Variants in TRUB1 observed in about 807,000 individuals in gnomAD.
TRUB1 encodes the protein pseudouridylate synthase TRUB1.
In TRUB1, 23 loss-of-function variants were observed where a neutral mutation model predicts 33.9. That is an observed-to-expected ratio of 0.68 (90% CI 0.49 to 0.96). TRUB1 has a LOEUF of 0.96. Among genes scored for constraint, TRUB1 ranks in the 40% least tolerant of loss-of-function variants. The probability of loss-of-function intolerance (pLI) is 0.00; values close to 1 mark genes in which losing one functional copy is unlikely to be tolerated. For missense variants in TRUB1, 378 were observed against 422.2 expected (o/e 0.90, Z 0.92); for synonymous variants, 163 against 165.4 (o/e 0.99, Z 0.11).
chr10:114,944,453 G>C (rs1338101918), intron 2 of TRUB1, among the ~76,000 whole-genome samples: 1 of 152,122 alleles, frequency 6.6e-6, no homozygotes, highest in Non-Finnish European at 1.5e-5. Context: ...GAAAAAATCA[G>C]TTCGAGACCA....
intron 1 of TRUB1, among the ~76,000 whole-genome samples, chr10:114,941,934 G>A (rs540595913): frequency 1.2e-4 from 18 of 152,122 alleles, no homozygotes; most frequent in South Asian, 2.1e-4. Context: ...ACAGGCACCC[G>A]CCACCACGTC....
At chr10:114,941,819 C>G (rs968191632) in intron 1 of TRUB1, among the ~76,000 whole-genome samples, 16 of 151,908 alleles carry the variant, frequency 1.1e-4, no homozygotes, top group Non-Finnish European at 2.1e-4. Context: ...GAGTCTTGCT[C>G]TGTCGCCCAG....
intron 3 of TRUB1, 45 bp from the exon 4 acceptor site, chr10:114,959,681 T>G: frequency 7.8e-7 from 1 of 1,275,958 alleles, no homozygotes; most frequent in Admixed American, 1.7e-5. Context: ...TAACAGTTTT[T>G]GTTTGCCTCA....
intron 3 of TRUB1, 118 bp downstream of exon 3, chr10:114,951,267 G>T: frequency 1.5e-6 from 1 of 686,326 alleles, no homozygotes; most frequent in South Asian, 2.0e-5. Context: ...TCATTCCTGA[G>T]TATTAATTAT....
intron 1 of TRUB1, among the ~76,000 whole-genome samples, chr10:114,941,087 G>A (rs1018788542): frequency 3.9e-5 from 6 of 152,022 alleles, no homozygotes; most frequent in Admixed American, 6.6e-5. Flanking sequence ...CTGTCCACTC[G>A]TTTCGTTTTC....
intron 4 of TRUB1, among the ~76,000 whole-genome samples, chr10:114,967,915 A>G (rs1456297317): frequency 6.6e-6 from 1 of 152,162 alleles, no homozygotes; most frequent in Non-Finnish European, 1.5e-5. Context: ...CAGATGGATG[A>G]TTGGCCTAGG....
At chr10:114,946,916 A>G (rs2143020672) in intron 2 of TRUB1, among the ~76,000 whole-genome samples, 1 of 152,284 alleles carries the variant, frequency 6.6e-6, no homozygotes. Context: ...CTGTGAATAT[A>G]TTAGGTTACA....
chr10:114,963,512 T>G (rs989712300), intron 4 of TRUB1, among the ~76,000 whole-genome samples: 1 of 152,216 alleles, frequency 6.6e-6, no homozygotes, highest in Non-Finnish European at 1.5e-5. Context: ...GCTCTATCAA[T>G]TTGCACAAGA....
chr10:114,952,619 A>G (rs1413134929), intron 3 of TRUB1, among the ~76,000 whole-genome samples: 1 of 152,252 alleles, frequency 6.6e-6, no homozygotes, highest in African/African-American at 2.4e-5. Flanking sequence ...CAACTGGCAT[A>G]AAAATCTGTG....
chr10:114,938,624 A>T (rs1208069441), intron 1 of TRUB1, 85 bp downstream of exon 1: 2 of 1,365,214 alleles, frequency 1.5e-6, no homozygotes, highest in Non-Finnish European at 2.0e-6. Context: ...CTCGTGATTC[A>T]AGAGACAAAA....
In TRUB1 at chr10:114,938,288, C is replaced by G; in HGVS notation, c.35C>G (p.Pro12Arg). The change falls in exon 1 of 8, where the codon CCG (proline) becomes CGG (arginine). Residue 12 changes from proline to arginine, a missense_variant. Coordinates refer to ENST00000298746, the MANE Select transcript of TRUB1 (RefSeq NM_139169.5). ...AASEAAVVSSPSLKTDTSPVL... is the reference protein window; with the variant it reads ...AASEAAVVSSRSLKTDTSPVL... ...TCTGAGGCGGCGGTGGTGTCTTCGC[C>G]GTCTTTGAAAACAGACACATCCCCT... 1.2e-6 allele frequency: 2 copies of G among 1,614,210 alleles called. No individual in the cohort carries two copies. The highest frequency in any genetic ancestry group is 1.7e-6 in the Non-Finnish European group (2 of 1,180,036).
intron 1 of TRUB1, among the ~76,000 whole-genome samples, chr10:114,939,702 A>G (rs769352964): frequency 6.6e-6 from 1 of 152,178 alleles, no homozygotes; most frequent in Non-Finnish European, 1.5e-5. Context: ...TATGGGTCAT[A>G]CAGAGGACGT....
intron 7 of TRUB1, 42 bp from the exon 8 acceptor site, chr10:114,975,081 C>T (rs775485521): frequency 1.5e-5 from 23 of 1,569,190 alleles, no homozygotes; most frequent in South Asian, 8.5e-5. Flanking sequence ...AATACTGAAT[C>T]GTTTATCTTC....
intron 4 of TRUB1, 43 bp from the exon 5 acceptor site, chr10:114,970,325 C>A: frequency 7.2e-7 from 1 of 1,383,138 alleles, no homozygotes; most frequent in Non-Finnish European, 1.0e-6. Context: ...AGTACATGTA[C>A]TTCTGTGGTT....
intron 3 of TRUB1, among the ~76,000 whole-genome samples, chr10:114,957,001 C>A (rs1221182898): frequency 6.6e-6 from 1 of 152,144 alleles, no homozygotes; most frequent in African/African-American, 2.4e-5. Context: ...ATTGCAGACC[C>A]TGGAGTGGGT....
intron 3 of TRUB1, among the ~76,000 whole-genome samples, chr10:114,955,156 T>G (rs1413252340): frequency 6.6e-6 from 1 of 152,216 alleles, no homozygotes; most frequent in Non-Finnish European, 1.5e-5. Flanking sequence ...TCTGAGAGGT[T>G]AGGCTGATGT....
intron 4 of TRUB1, among the ~76,000 whole-genome samples, chr10:114,964,955 G>A (rs573096597): frequency 6.9e-6 from 1 of 143,954 alleles, no homozygotes; most frequent in African/African-American, 2.6e-5. Context: ...TTTTGAGACG[G>A]AGTCTTGCTC....
At chr10:114,958,695 G>A (rs11197012) in intron 3 of TRUB1, among the ~76,000 whole-genome samples, 3 of 152,204 alleles carry the variant, frequency 2.0e-5, no homozygotes, top group East Asian at 3.9e-4. Context: ...AAAAGAGTAC[G>A]TACTACAAGT....
chr10:114,950,459 C>T (rs2084229358), intron 2 of TRUB1, among the ~76,000 whole-genome samples: 1 of 152,184 alleles, frequency 6.6e-6, no homozygotes, highest in African/African-American at 2.4e-5. Context: ...AGAGAAGTGA[C>T]TAAATCCTCT....
Sources: gnomAD v4.1 joint callset for allele counts (sites outside exome capture counted in the v4.1 genomes callset) on GRCh38, gnomAD v4.1.1 for gene constraint, MANE v1.5 for transcripts, NCBI Gene and HGNC (gene_info 2026-07-23, HGNC 2026-07-21) for gene names.